The following SP100 variants were observed in gnomAD, a reference collection of about 807,000 sequenced individuals.
SP100 encodes the protein nuclear autoantigen Sp-100.
SP100 carries 84 observed loss-of-function variants against 130.0 expected under a neutral mutation model. That is an observed-to-expected ratio of 0.65 (90% CI 0.54 to 0.77). The LOEUF (loss-of-function observed/expected upper bound fraction) is 0.77, where lower values mean the gene tolerates loss of function less well. Among genes scored for constraint, SP100 ranks in the 30% least tolerant of loss-of-function variants. The pLI is 0.00. For missense variants in SP100, 978 were observed against 1,052.2 expected (o/e 0.93, Z 0.97); for synonymous variants, 331 against 351.7 (o/e 0.94, Z 0.66).
At position 230,510,631 on chromosome 2, in the gene SP100, C is replaced by CTCCCAAGTAGCTGGGA. The variant is rs374903177; in HGVS notation, c.2053-494_2053-493insTCCCAAGTAGCTGGGA. On this transcript the variant is annotated intron_variant, in intron 23 of 28. Transcript: ENST00000340126. Reference sequence around the variant, plus strand: ...GTTCAAGCGATTCTCCTCCCTCAGCCCACTACAGGTGCGCGCCACCACACT... The same window carrying CTCCCAAGTAGCTGGGA: ...GTTCAAGCGATTCTCCTCCCTCAGCCTCCCAAGTAGCTGGGACACTACAGGTGCGCGCCACCACACT... 5 of 163,462 alleles carry CTCCCAAGTAGCTGGGA rather than the reference C, an allele frequency of 3.1e-5. 1 individual carries two copies. The highest frequency in any genetic ancestry group is 1.6e-4 in the South Asian group (1 of 6,364). The allele number at this position is 163,462 out of a possible 1,614,324, so 10.1% of individuals were successfully genotyped here.
chr2:230,506,824 C>CACAT (rs531043915), intron 22 of SP100: 1,828 of 151,846 alleles, frequency 0.012, 28 homozygotes, highest in South Asian at 0.03. Context: ...CACACACACA[C>CACAT]ATATTTAACA....
At chr2:230,490,780 G>A (rs2066349033) in intron 17 of SP100, among the ~76,000 whole-genome samples, 1 of 152,082 alleles carries the variant, frequency 6.6e-6, no homozygotes, top group South Asian at 2.1e-4. Flanking sequence ...ATTCTGTATT[G>A]AAAATTTTTT....
intron 24 of SP100, among the ~76,000 whole-genome samples, chr2:230,530,026 T>C (rs1017756448): frequency 6.6e-6 from 1 of 152,200 alleles, no homozygotes; most frequent in Non-Finnish European, 1.5e-5. Context: ...ATAGATTCAA[T>C]GCTATCCCCA....
At chr2:230,476,254 T>G (rs991436889) in intron 17 of SP100, among the ~76,000 whole-genome samples, 1 of 152,216 alleles carries the variant, frequency 6.6e-6, no homozygotes, top group Non-Finnish European at 1.5e-5. Context: ...ATCTTTCACC[T>G]CCTTGGCTGG....
chr2:230,432,312 AT>A (rs1477304703), intron 2 of SP100, among the ~76,000 whole-genome samples: 2 of 151,762 alleles, frequency 1.3e-5, no homozygotes, highest in African/African-American at 4.8e-5. Flanking sequence ...GATTGTTTTT[AT>A]TTTTTGACTA....
chr2:230,426,572 G>C (rs146098214), intron 2 of SP100, among the ~76,000 whole-genome samples: 1 of 152,026 alleles, frequency 6.6e-6, no homozygotes, highest in Admixed American at 6.5e-5. Context: ...ATTTCCTCCT[G>C]TTATGGATTT....
intron 24 of SP100, among the ~76,000 whole-genome samples, chr2:230,530,438 A>T (rs542809588): frequency 2.0e-5 from 3 of 152,374 alleles, no homozygotes; most frequent in African/African-American, 7.2e-5. Context: ...CTCAACACAG[A>T]TTAAAGACTT....
At chr2:230,438,648 T>TATATACACACACACACAC (rs1246055755) in intron 2 of SP100, among the ~76,000 whole-genome samples, 57 of 127,484 alleles carry the variant, frequency 4.5e-4, no homozygotes, top group Admixed American at 1.2e-3. Context: ...TGTATATATA[T>TATATACACACACACACAC]ACACACACAC....
At chr2:230,422,996 G>T (rs560319760) in intron 2 of SP100, among the ~76,000 whole-genome samples, 7 of 152,168 alleles carry the variant, frequency 4.6e-5, no homozygotes, top group African/African-American at 1.7e-4. Context: ...AATAACTGAG[G>T]GTGATTGAAA....
Position 230,525,244 on chromosome 2 carries a change from T to C in SP100, c.2095-14023T>C, listed in dbSNP as rs140179827. 5.0e-4 allele frequency among the ~76,000 whole-genome samples: 76 copies of C among 152,294 alleles called. 1 individual carries two copies. The East Asian group carries it at 0.011, about 23-fold the overall frequency. ...TGGTCTGTGTAAGCCATAGGTAATTTTTTTCCCTGTTTCCCTGTGTGTCTA... is the reference window on the plus strand; with the variant it reads ...TGGTCTGTGTAAGCCATAGGTAATTCTTTTCCCTGTTTCCCTGTGTGTCTA... On this transcript the variant is annotated intron_variant, in intron 24 of 28. Transcript: ENST00000340126.
Position 230,542,993 on chromosome 2 carries a change from A to G in SP100, c.*47A>G. 2 of 1,088,838 alleles carry G rather than the reference A, an allele frequency of 1.8e-6. No homozygotes were observed. The highest frequency in any genetic ancestry group is 1.4e-6 in the Non-Finnish European group (1 of 709,172). The allele number at this position is 1,088,838 out of a possible 1,614,324, so 67.4% of individuals were successfully genotyped here. A position where few individuals can be genotyped will look rare whatever the true frequency, so the allele number is the denominator to read the frequency against. ...AGATCCTCTGGCAGCTAGCTACGCAATGTGCCTGTGGTCCCACTAATCTGT... is the reference window on the plus strand; with the variant it reads ...AGATCCTCTGGCAGCTAGCTACGCAGTGTGCCTGTGGTCCCACTAATCTGT... On this transcript the variant is annotated 3_prime_UTR_variant, in exon 29 of 29. Transcript: ENST00000340126.
Position 230,474,161 on chromosome 2 carries a change from T to G in SP100, c.1547-233T>G, listed in dbSNP as rs1301123300. Among the ~76,000 whole-genome samples, 4 of 152,348 alleles carry G rather than the reference T, an allele frequency of 2.6e-5. No homozygotes were observed. The East Asian group carries it at 7.7e-4, about 29-fold the overall frequency. On this transcript the variant is annotated intron_variant, in intron 16 of 28. Coordinates refer to ENST00000340126, the MANE Select transcript of SP100 (RefSeq NM_001080391.2). ...GATAACCGTTGCTGTCCCTGTTTCA[T>G]AAATGAGGAAATTGGTGCATAAAAG...
chr2:230,520,317 C>A (rs1575798149), intron 24 of SP100, among the ~76,000 whole-genome samples: 3 of 152,292 alleles, frequency 2.0e-5, no homozygotes, highest in South Asian at 2.1e-4. Flanking sequence ...AACTTCAGAG[C>A]AAGACTGCCC....
At chr2:230,532,973 G>T (rs2150110006) in intron 24 of SP100, among the ~76,000 whole-genome samples, 1 of 152,250 alleles carries the variant, frequency 6.6e-6, no homozygotes, top group South Asian at 2.1e-4. Flanking sequence ...TAGAGACGAG[G>T]TTTCATCATG....
chr2:230,486,080 G>T (rs1386251719), intron 17 of SP100, among the ~76,000 whole-genome samples: 1 of 137,888 alleles, frequency 7.3e-6, no homozygotes, highest in African/African-American at 2.7e-5. Flanking sequence ...TTAAAAAAAA[G>T]AGGTATAATT....
At chr2:230,458,239 C>T (rs62193414) in intron 8 of SP100, among the ~76,000 whole-genome samples, 1,584 of 152,234 alleles carry the variant, frequency 0.01, 15 homozygotes, top group Non-Finnish European at 0.018. Flanking sequence ...ATTTTCCATA[C>T]GTATTATGTG....
Position 230,461,468 on chromosome 2 carries a change from G to A in SP100, c.973+54G>A, listed in dbSNP as rs1222405409. The A allele has an allele frequency of 1.3e-5, 21 of 1,586,466 alleles. No individual in the cohort carries two copies. The Admixed American group carries it at 3.5e-4, about 27-fold the overall frequency. ...GTGAGTCACAGGTTACCAGGTAAGGGGCTCAGGGACTTCATCACGGACCAT... is the reference window on the plus strand; with the variant it reads ...GTGAGTCACAGGTTACCAGGTAAGGAGCTCAGGGACTTCATCACGGACCAT... On this transcript the variant is annotated intron_variant, in intron 9 of 28. Transcript: ENST00000340126.
Position 230,540,890 on chromosome 2 carries a change from G to T in SP100, c.2225G>T (p.Cys742Phe). 6.2e-7 allele frequency: 1 copy of T among 1,611,890 alleles called. No homozygotes were observed. Among genetic ancestry groups the T allele is most frequent in the Non-Finnish European group, 8.5e-7 (1 of 1,178,568 alleles). Residue 742 changes from cysteine to phenylalanine, a missense_variant, in exon 26 of 29, where the codon TGC becomes TTC. Coordinates refer to ENST00000340126, the MANE Select transcript of SP100 (RefSeq NM_001080391.2). Reference protein sequence around the residue: ...SVEANKNPWSCIFCRIKTIQE... With the variant: ...SVEANKNPWSFIFCRIKTIQE... ...CCATCTCTCAGGAACCCGTGGAGTT[G>T]CATCTTCTGCAGGATAAAGACTATT...
intron 15 of SP100, 73 bp downstream of exon 15, chr2:230,470,171 G>A (rs1575678994): frequency 2.0e-6 from 3 of 1,538,278 alleles, no homozygotes; most frequent in Admixed American, 4.1e-5. Flanking sequence ...GCTGTTTCCA[G>A]ACGCTTTTTA....
Sources: allele counts gnomAD v4.1 joint callset (sites outside exome capture counted in the v4.1 genomes callset), GRCh38; gene constraint gnomAD v4.1.1; transcripts MANE v1.5; gene names NCBI Gene and HGNC (gene_info 2026-07-23, HGNC 2026-07-21).